The following PHF21B variants were observed in gnomAD, a reference collection of about 807,000 sequenced individuals.
PHF21B encodes the protein PHD finger protein 21B.
In PHF21B, 22 loss-of-function variants were observed where a neutral mutation model predicts 62.2. The ratio of observed to expected loss-of-function variants is 0.35; its 90% CI spans 0.25 to 0.51. The LOEUF is 0.51. PHF21B is among the 20% of genes least tolerant of loss of function. The pLI is 0.97. For synonymous variants in PHF21B, 341 were observed against 314.7 expected (o/e 1.08, Z -0.88); for missense variants, 701 against 707.9 (o/e 0.99, Z 0.11).
At chr22:44,908,778 T>C (rs999192888) in intron 5 of PHF21B, among the ~76,000 whole-genome samples, 13 of 150,088 alleles carry the variant, frequency 8.7e-5, no homozygotes, top group African/African-American at 3.1e-4. Context: ...GCAGCACAGC[T>C]CTTCTTGGTA....
chr22:44,981,836 A>G (rs981846939), intron 2 of PHF21B, among the ~76,000 whole-genome samples: 11 of 152,246 alleles, frequency 7.2e-5, no homozygotes, highest in African/African-American at 9.6e-5. Flanking sequence ...GGAAACTGAC[A>G]AAAGGTTGAC....
chr22:44,916,182 C>G lies in PHF21B; in HGVS notation c.564+98G>C. ...TCATTCTGCCTCCTGGTCATTCATC[C>G]TGCCTGGGCTTGTTCATTTGGCCCT... On this transcript the variant is annotated intron_variant, in intron 4 of 12. Transcript: ENST00000313237. 4 of 1,179,610 alleles carry G rather than the reference C, an allele frequency of 3.4e-6. No homozygotes were observed. In the South Asian group the frequency reaches 5.8e-5, roughly 17 times the overall value. The allele number at this position is 1,179,610 out of a possible 1,614,324, so 73.1% of individuals were successfully genotyped here.
intron 2 of PHF21B, among the ~76,000 whole-genome samples, chr22:44,977,071 G>C (rs1345647054): frequency 6.6e-6 from 1 of 152,016 alleles, no homozygotes; most frequent in South Asian, 2.1e-4. Context: ...AGTGAGCTGT[G>C]ATCATGTCAC....
chr22:44,913,362 G>A (rs944331081), intron 5 of PHF21B, among the ~76,000 whole-genome samples: 3 of 152,202 alleles, frequency 2.0e-5, no homozygotes, highest in African/African-American at 7.2e-5. Context: ...TCAGGACAGA[G>A]GGGCCCATAG....
chr22:44,990,178 G>A lies in PHF21B; in HGVS notation c.120+18367C>T, dbSNP rs111286533. On this transcript the variant is annotated intron_variant, in intron 2 of 12. Coordinates refer to ENST00000313237, the MANE Select transcript of PHF21B (RefSeq NM_138415.5). ...ATGGCTCCCACAGTCATGGACACAGGTTTGATGGAACACGGTCACCCCTGG... is the reference window on the plus strand; with the variant it reads ...ATGGCTCCCACAGTCATGGACACAGATTTGATGGAACACGGTCACCCCTGG... Among the ~76,000 whole-genome samples the A allele has an allele frequency of 4.6e-3, 705 of 152,306 alleles. 5 individuals are homozygous for A. Among genetic ancestry groups the A allele is most frequent in the Non-Finnish European group, 6.9e-3 (467 of 68,028 alleles).
At chr22:44,931,843 G>C (rs993988287) in intron 2 of PHF21B, among the ~76,000 whole-genome samples, 11 of 152,188 alleles carry the variant, frequency 7.2e-5, no homozygotes, top group African/African-American at 2.7e-4. Flanking sequence ...AAGAGATCTG[G>C]ACTCCAGGGG....
chr22:44,972,936 C>T (rs1349385289), intron 2 of PHF21B, among the ~76,000 whole-genome samples: 2 of 152,166 alleles, frequency 1.3e-5, no homozygotes, highest in African/African-American at 2.4e-5. Flanking sequence ...AGGCAGGGCG[C>T]TCAGAGATGA....
chr22:44,971,425 G>A (rs961956811), intron 2 of PHF21B: 4 of 152,186 alleles, frequency 2.6e-5, no homozygotes, highest in African/African-American at 7.2e-5. Context: ...GAGTGCATCC[G>A]AGACCACCTG....
chr22:44,982,969 C>T (rs1052211783), intron 2 of PHF21B, among the ~76,000 whole-genome samples: 4 of 152,076 alleles, frequency 2.6e-5, no homozygotes, highest in Non-Finnish European at 5.9e-5. Context: ...AGGGGCCGGG[C>T]GCGGTGGCTC....
intron 2 of PHF21B, among the ~76,000 whole-genome samples, chr22:44,991,666 C>T (rs1245980190): frequency 6.6e-6 from 1 of 152,210 alleles, no homozygotes; most frequent in Non-Finnish European, 1.5e-5. Context: ...ACCCTGTGCC[C>T]AGCTGGGGGG....
In PHF21B at chr22:45,009,037, C is replaced by T. The variant is rs2073378424; in HGVS notation, c.55-427G>A. On this transcript the variant is annotated intron_variant, in intron 1 of 12. Transcript: ENST00000313237. This position sits in a 1 kb window ranked among gnomAD's most constrained non-coding sequence, Gnocchi z 5.9. ...TCTCCCCAACACACACACGCGCACG[C>T]CGAGCCCCGCTCAGGCTCCGGCCGC... The T allele has an allele frequency of 2.6e-6, 3 of 1,136,130 alleles. No individual in the cohort carries two copies. Among genetic ancestry groups the T allele is most frequent in the South Asian group, 4.1e-5 (1 of 24,364 alleles). 70.4% of individuals were successfully genotyped at this position (1,136,130 alleles called of 1,614,324 possible). A position where few individuals can be genotyped will look rare whatever the true frequency, so the allele number is the denominator to read the frequency against.
At chr22:44,900,788 T>C (rs1343213236) in intron 5 of PHF21B, among the ~76,000 whole-genome samples, 1 of 151,594 alleles carries the variant, frequency 6.6e-6, no homozygotes, top group Admixed American at 6.6e-5. Context: ...TGACTCTTTT[T>C]TTTTTTTTTT....
chr22:44,983,013 G>A (rs1170718873), intron 2 of PHF21B, among the ~76,000 whole-genome samples: 1 of 152,180 alleles, frequency 6.6e-6, no homozygotes, highest in African/African-American at 2.4e-5. Flanking sequence ...GGAGACCGAG[G>A]TGGGAGAATC....
chr22:44,966,259 C>T (rs899001656), intron 2 of PHF21B, among the ~76,000 whole-genome samples: 3 of 152,236 alleles, frequency 2.0e-5, no homozygotes, highest in East Asian at 1.9e-4. Context: ...AACCACGCGA[C>T]GAGCCCTGCT....
At position 44,913,831 on chromosome 22, in the gene PHF21B, C is replaced by T. The variant is rs1465453173; in HGVS notation, c.822G>A (p.Glu274=). 1.2e-6 allele frequency: 2 copies of T among 1,613,088 alleles called. No individual in the cohort carries two copies. The highest frequency in any genetic ancestry group is 1.3e-5 in the African/African-American group (1 of 74,888). The stretch of plus-strand genomic sequence containing the variant: ...GAGAGGCCTGTCCTACCTCGGGGTT[C>T]TCCTGGGTCGGGGGCCGGTCTTCCT... ...KKKEDRPPTQ[E]NPEKIAFMVA... Residue 274 remains glutamate, a synonymous_variant, in exon 5 of 13, where the codon GAG becomes GAA. Coordinates refer to ENST00000313237, the MANE Select transcript of PHF21B (RefSeq NM_138415.5).
rs2070879287 is a variant in PHF21B, at chr22:44,887,462, T to C, written c.1197+501A>G. Among the ~76,000 whole-genome samples the C allele has an allele frequency of 2.0e-5, 3 of 152,156 alleles. No individual in the cohort carries two copies. The South Asian group carries it at 6.2e-4, about 32-fold the overall frequency. ...GTTGGATGCTGGCGGAATATCTCACTGAGTGCAGAGCTGGGCTATTCCACT... is the reference window on the plus strand; with the variant it reads ...GTTGGATGCTGGCGGAATATCTCACCGAGTGCAGAGCTGGGCTATTCCACT... On this transcript the variant is annotated intron_variant, in intron 10 of 12. Transcript: ENST00000313237.
At chr22:44,919,112 C>G (rs922374286) in intron 3 of PHF21B, among the ~76,000 whole-genome samples, 9 of 152,188 alleles carry the variant, frequency 5.9e-5, no homozygotes, top group African/African-American at 2.2e-4. Context: ...ACCCTGAGGT[C>G]TAGCTCAAGC....
chr22:44,885,237 G>A (rs1433542349), intron 12 of PHF21B, among the ~76,000 whole-genome samples, 189 bp downstream of exon 12: 2 of 131,058 alleles, frequency 1.5e-5, no homozygotes, highest in South Asian at 2.5e-4. Context: ...GCAGGGCTGA[G>A]GCCAGCCTGG....
At chr22:44,937,095 A>G (rs1261043228) in intron 2 of PHF21B, among the ~76,000 whole-genome samples, 1 of 152,022 alleles carries the variant, frequency 6.6e-6, no homozygotes, top group Admixed American at 6.6e-5. Flanking sequence ...CGAACTCCTG[A>G]CCTCAAGTGA....
Sources: allele counts gnomAD v4.1 joint callset (sites outside exome capture counted in the v4.1 genomes callset), GRCh38; gene constraint gnomAD v4.1.1; non-coding constraint Gnocchi (gnomAD v3.1); transcripts MANE v1.5; gene names NCBI Gene and HGNC (gene_info 2026-07-23, HGNC 2026-07-21).